The following WWOX variants were observed in gnomAD, a reference collection of about 807,000 sequenced individuals.
WWOX encodes WW domain-containing oxidoreductase.
Under a neutral mutation model 46.2 loss-of-function variants are expected in WWOX, and 69 were observed. That is an observed-to-expected ratio of 1.49 (90% confidence interval 1.23 to 1.82). The LOEUF (loss-of-function observed/expected upper bound fraction) is 1.82, where lower values mean the gene tolerates loss of function less well. Ranked by LOEUF, WWOX falls within the 40% of genes most tolerant of loss-of-function variation. WWOX has a pLI of 0.00. For missense variants in WWOX, 919 were observed against 542.6 expected (o/e 1.69, Z -6.89); for synonymous variants, 359 against 202.6 (o/e 1.77, Z -6.56).
At chr16:78,795,019 C>G (rs2737299) in intron 8 of WWOX, among the ~76,000 whole-genome samples, 15 of 152,156 alleles carry the variant, frequency 9.9e-5, no homozygotes, top group African/African-American at 9.7e-5. Flanking sequence ...AGGCTTAACA[C>G]TGATCTTTGA....
At chr16:78,648,355 C>T (rs532606547) in intron 8 of WWOX, among the ~76,000 whole-genome samples, 5 of 152,230 alleles carry the variant, frequency 3.3e-5, no homozygotes, top group South Asian at 4.1e-4. Context: ...AGGAGCCAGC[C>T]GGCTCCCCTG....
chr16:79,034,554 T>A (rs1300247941), intron 8 of WWOX, among the ~76,000 whole-genome samples: 1 of 152,218 alleles, frequency 6.6e-6, no homozygotes, highest in African/African-American at 2.4e-5. Flanking sequence ...GCTTCCCCAA[T>A]GCCCTGGGCT....
intron 8 of WWOX, among the ~76,000 whole-genome samples, chr16:78,737,634 G>A (rs1045842038): frequency 7.9e-5 from 12 of 152,024 alleles, no homozygotes; most frequent in Admixed American, 7.9e-4. Context: ...TCATTCTTCT[G>A]CCTTTGCATC....
At chr16:78,962,818 A>T (rs1329398260) in intron 8 of WWOX, among the ~76,000 whole-genome samples, 1 of 152,212 alleles carries the variant, frequency 6.6e-6, no homozygotes, top group Non-Finnish European at 1.5e-5. Flanking sequence ...TACCATCAGC[A>T]TTAAGAGGTA....
intron 8 of WWOX, among the ~76,000 whole-genome samples, chr16:78,781,116 G>T (rs941626111): frequency 1.4e-4 from 22 of 152,174 alleles, no homozygotes; most frequent in Non-Finnish European, 2.4e-4. Context: ...AAATGCTGTT[G>T]TTTCTGACAG....
chr16:79,079,682 A>G lies in WWOX; in HGVS notation c.1057-131926A>G, dbSNP rs144574470. Among the ~76,000 whole-genome samples the G allele has an allele frequency of 6.0e-3, 917 of 152,302 alleles. 3 individuals carry two copies. The highest frequency in any genetic ancestry group is 0.011 in the Non-Finnish European group (715 of 68,030). Reference sequence around the variant, plus strand: ...ACCTCCTTCTTCTGTGGCATTTCATAAATTTAATGATTGTAATTGTGATTA... The same window carrying G: ...ACCTCCTTCTTCTGTGGCATTTCATGAATTTAATGATTGTAATTGTGATTA... On this transcript the variant is annotated intron_variant, in intron 8 of 8. Coordinates refer to ENST00000566780, the MANE Select transcript of WWOX (RefSeq NM_016373.4).
chr16:79,099,595 A>T (rs201207788), intron 8 of WWOX, among the ~76,000 whole-genome samples: 1 of 87,934 alleles, frequency 1.1e-5, no homozygotes, highest in East Asian at 3.1e-4. Context: ...TGTGTTTGTG[A>T]GAGAGAGAGA....
rs2051768390 is a variant in WWOX, at chr16:79,211,844, C to T, written c.*48C>T. On this transcript the variant is annotated 3_prime_UTR_variant, in exon 9 of 9. Transcript: ENST00000566780. ...ACACACACCCGCCCTGTGTGTGTCC[C>T]CTCACGCAAGTGCCAGGGCTGGGCC... is the stretch of plus-strand genomic sequence containing the variant. The T allele has an allele frequency of 6.2e-7, 1 of 1,610,950 alleles. No homozygotes were observed. Among genetic ancestry groups the T allele is most frequent in the Non-Finnish European group, 8.5e-7 (1 of 1,179,038 alleles).
intron 6 of WWOX, among the ~76,000 whole-genome samples, chr16:78,410,888 G>A (rs1250010745): frequency 2.6e-5 from 4 of 151,594 alleles, no homozygotes; most frequent in African/African-American, 9.7e-5. Flanking sequence ...CATCATGCAT[G>A]GCTGTTGGCA....
chr16:78,263,343 A>T (rs1597418294), intron 5 of WWOX, among the ~76,000 whole-genome samples: 1 of 152,328 alleles, frequency 6.6e-6, no homozygotes, highest in South Asian at 2.1e-4. Flanking sequence ...CTGAGTCATG[A>T]GGCCATCTCC....
intron 8 of WWOX, among the ~76,000 whole-genome samples, chr16:78,936,270 A>C (rs2045735067): frequency 6.6e-6 from 1 of 152,160 alleles, no homozygotes; most frequent in East Asian, 1.9e-4. Context: ...CTGGGCCTTC[A>C]ACCCTTGGAC....
chr16:78,359,682 T>C (rs1041459297), intron 5 of WWOX, among the ~76,000 whole-genome samples: 1 of 152,208 alleles, frequency 6.6e-6, no homozygotes, highest in Non-Finnish European at 1.5e-5. Context: ...TAAATTTTCA[T>C]TGTGGAAATC....
chr16:78,626,342 G>A (rs1416727062), intron 8 of WWOX, among the ~76,000 whole-genome samples: 15 of 152,078 alleles, frequency 9.9e-5, no homozygotes. Context: ...GGTCTCCTTA[G>A]CATCTTCTTG....
intron 8 of WWOX, among the ~76,000 whole-genome samples, chr16:78,927,413 T>G (rs1224515291): frequency 1.3e-5 from 2 of 152,240 alleles, no homozygotes; most frequent in Non-Finnish European, 2.9e-5. Context: ...TGTCTGTTAT[T>G]ACCATGTGTC....
chr16:78,809,828 C>T (rs1489062330), intron 8 of WWOX, among the ~76,000 whole-genome samples: 3 of 152,158 alleles, frequency 2.0e-5, no homozygotes, highest in Admixed American at 2.0e-4. Context: ...TCTTGGGTCA[C>T]TGTTCCCAGG....
At position 78,432,786 on chromosome 16, in the gene WWOX, T is replaced by C. The variant is rs59437347; in HGVS notation, c.1056+34T>C. 8.9e-3 allele frequency: 14,387 copies of C among 1,613,860 alleles called. 113 individuals carry two copies. The highest frequency in any genetic ancestry group is 8.9e-3 in the Non-Finnish European group (10,454 of 1,179,940). On this transcript the variant is annotated intron_variant, in intron 8 of 8. Coordinates refer to ENST00000566780, the MANE Select transcript of WWOX (RefSeq NM_016373.4). Reference sequence around the variant, plus strand: ...ACAGCTTCTGGCGCCGCAAACACCTTGGGTCCTAGAGAAACCTGCACACTT... The same window carrying C: ...ACAGCTTCTGGCGCCGCAAACACCTCGGGTCCTAGAGAAACCTGCACACTT...
rs375757102 is a variant in WWOX, at chr16:79,211,722, G to C, written c.1171G>C (p.Glu391Gln). 13 of 1,614,104 alleles carry C rather than the reference G, an allele frequency of 8.1e-6. No homozygotes were observed. The highest frequency in any genetic ancestry group is 1.0e-5 in the Non-Finnish European group (12 of 1,180,044). ...CATGCCCTCACCAGAAGCTCAGAGC[G>C]AAGAGACGGCCCGGACCCTGTGGGC... Reference protein sequence around the residue: ...RCMPSPEAQSEETARTLWALS... With the variant: ...RCMPSPEAQSQETARTLWALS... The change falls in exon 9 of 9, where the codon GAA becomes CAA. Residue 391 changes from glutamate (E) to glutamine (Q), a missense_variant. Coordinates refer to ENST00000566780, the MANE Select transcript of WWOX (RefSeq NM_016373.4).
chr16:78,924,017 G>T (rs538260480), intron 8 of WWOX, among the ~76,000 whole-genome samples: 1 of 151,734 alleles, frequency 6.6e-6, no homozygotes, highest in Non-Finnish European at 1.5e-5. Flanking sequence ...GGGTTTCACC[G>T]TGTTAGCCAA....
chr16:78,304,907 ATT>A (rs1165548919), intron 5 of WWOX, among the ~76,000 whole-genome samples: 1 of 151,116 alleles, frequency 6.6e-6, no homozygotes, highest in Non-Finnish European at 1.5e-5. Flanking sequence ...CTCACTATCC[ATT>A]TTTCTTCCTC....
Sources: allele counts gnomAD v4.1 joint callset (sites outside exome capture counted in the v4.1 genomes callset), GRCh38; gene constraint gnomAD v4.1.1; transcripts MANE v1.5; gene names NCBI Gene and HGNC (gene_info 2026-07-23, HGNC 2026-07-21).